SLC25A13: variants seen among roughly 807,000 people sequenced by gnomAD.
SLC25A13 encodes electrogenic aspartate/glutamate antiporter SLC25A13, mitochondrial.
SLC25A13 carries 70 observed loss-of-function variants against 85.5 expected under a neutral mutation model. The observed-to-expected ratio is 0.82, with a 90% CI of 0.68 to 1.00. The LOEUF (loss-of-function observed/expected upper bound fraction) is 1.00. Among genes scored for constraint, SLC25A13 ranks in the 50% least tolerant of loss-of-function variants. The pLI, the probability that SLC25A13 is intolerant of heterozygous loss-of-function variation, is 0.00. For synonymous variants in SLC25A13, 259 were observed against 288.7 expected, an observed-to-expected ratio of 0.90 and a Z score of 1.04; for missense variants, 765 against 819.8, an observed-to-expected ratio of 0.93 and a Z score of 0.82.
At chr7:96,252,652 G>A (rs1218085541) in intron 3 of SLC25A13, among the ~76,000 whole-genome samples, 3 of 152,190 alleles carry the variant, frequency 2.0e-5, no homozygotes, top group Non-Finnish European at 2.9e-5. Flanking sequence ...TATAATGAAC[G>A]TGAAGTGAGT....
intron 3 of SLC25A13, among the ~76,000 whole-genome samples, chr7:96,247,557 T>A (rs1348944215): frequency 1.3e-5 from 2 of 152,156 alleles, no homozygotes; most frequent in Non-Finnish European, 2.9e-5. Flanking sequence ...AGATGAAAGA[T>A]TATTGTACCC....
chr7:96,191,727 T>C (rs952905616), intron 6 of SLC25A13, among the ~76,000 whole-genome samples: 1 of 152,184 alleles, frequency 6.6e-6, no homozygotes, highest in East Asian at 1.9e-4. Context: ...TCAAGTTACT[T>C]ATAACCAGTA....
chr7:96,298,297 T>C (rs993156457), intron 1 of SLC25A13, among the ~76,000 whole-genome samples: 6 of 152,240 alleles, frequency 3.9e-5, no homozygotes, highest in Non-Finnish European at 7.3e-5. Flanking sequence ...AATAATTTTA[T>C]TAACTAATCA....
chr7:96,228,889 C>T (rs114738243), intron 4 of SLC25A13, among the ~76,000 whole-genome samples: 2,905 of 152,300 alleles, frequency 0.019, 88 homozygotes, highest in African/African-American at 0.066. Flanking sequence ...TCCCCCAGCA[C>T]TCCTGGCCCA....
chr7:96,175,610 T>C (rs1794188801), intron 11 of SLC25A13, among the ~76,000 whole-genome samples: 1 of 152,224 alleles, frequency 6.6e-6, no homozygotes, highest in South Asian at 2.1e-4. Flanking sequence ...GCTGTCCGAC[T>C]CCAGCCTGTG....
Position 96,234,913 on chromosome 7 carries a change from T to C in SLC25A13, c.217A>G (p.Ile73Val). The C allele has an allele frequency of 6.2e-7, 1 of 1,611,594 alleles. No homozygotes were observed. The highest frequency in any genetic ancestry group is 2.2e-5 in the East Asian group (1 of 44,810). The part of the protein sequence containing the change: ...GVVDQTKDGL[I>V]SFQEFVAFES... ...AAGGCAACAAATTCTTGAAAAGATA[T>C]TAATCTGCAACATAAAACAAACATA... Residue 73 changes from isoleucine (I) to valine (V), a missense_variant, in exon 4 of 18, where the codon ATA becomes GTA. Physicochemically the swap from Ile to Val is conservative, Grantham distance 29. Coordinates refer to ENST00000265631, the MANE Select transcript of SLC25A13 (RefSeq NM_014251.3).
Position 96,296,969 on chromosome 7 carries a change from A to G in SLC25A13, c.16-18T>C, listed in dbSNP as rs1799374992. 6.3e-7 allele frequency: 1 copy of G among 1,595,052 alleles called. No homozygotes were observed. The highest frequency in any genetic ancestry group is 1.3e-5 in the African/African-American group (1 of 74,576). The stretch of plus-strand genomic sequence containing the variant: ...AAAGCCACCTATAAATAAACATAAA[A>G]ATGTTTATGTTATTACAACAAAGCT... On this transcript the variant is annotated intron_variant, in intron 1 of 17. Coordinates refer to ENST00000265631, the MANE Select transcript of SLC25A13 (RefSeq NM_014251.3).
intron 2 of SLC25A13, among the ~76,000 whole-genome samples, chr7:96,288,780 C>G (rs1321071709): frequency 4.6e-5 from 7 of 152,180 alleles, no homozygotes; most frequent in African/African-American, 1.4e-4. Context: ...GAAGCTCGAA[C>G]TGGGTGGAGC....
chr7:96,217,100 A>T (rs1368336256), intron 4 of SLC25A13, among the ~76,000 whole-genome samples: 1 of 152,210 alleles, frequency 6.6e-6, no homozygotes, highest in Non-Finnish European at 1.5e-5. Context: ...GAGACAGCAT[A>T]AAATTGCCAA....
chr7:96,265,556 CATTTA>C (rs1171104591), intron 3 of SLC25A13, among the ~76,000 whole-genome samples: 1 of 152,122 alleles, frequency 6.6e-6, no homozygotes, highest in Admixed American at 6.5e-5. Context: ...GCATACTTGC[CATTTA>C]ATTACTCAGA....
intron 2 of SLC25A13, among the ~76,000 whole-genome samples, chr7:96,288,428 C>G (rs765386834): frequency 6.6e-6 from 1 of 152,182 alleles, no homozygotes; most frequent in Admixed American, 6.5e-5. Context: ...GGGGGCAGGA[C>G]AGTGGGTGCA....
chr7:96,321,156 AG>A (rs1371301655), intron 1 of SLC25A13, among the ~76,000 whole-genome samples: 1 of 152,240 alleles, frequency 6.6e-6, no homozygotes, highest in Non-Finnish European at 1.5e-5. Context: ...ATGGTGAAAG[AG>A]GAAAGGTCAA....
In SLC25A13 at chr7:96,121,343, T is replaced by C. The variant is rs200001052; in HGVS notation, c.1876A>G (p.Arg626Gly). Residue 626 changes from arginine to glycine, a missense_variant, in exon 18 of 18, where the codon AGG (arginine) becomes GGG (glycine). Transcript: ENST00000265631. ...GGATTCGGGGCAGGCAGGTTGATCC[T>C]GGATTTAGGAACTGGCTCTGATCCC... is the stretch of plus-strand genomic sequence containing the variant. The part of the protein sequence containing the change: ...PMGSEPVPKS[R>G]INLPAPNPDH... 3.7e-6 allele frequency: 6 copies of C among 1,614,230 alleles called. No individual in the cohort carries two copies. The highest frequency in any genetic ancestry group is 5.1e-6 in the Non-Finnish European group (6 of 1,180,034).
intron 3 of SLC25A13, among the ~76,000 whole-genome samples, chr7:96,259,255 T>G (rs1797755865): frequency 6.6e-6 from 1 of 152,132 alleles, no homozygotes; most frequent in Non-Finnish European, 1.5e-5. Flanking sequence ...CGAAAGAAAC[T>G]ATCATCAGAG....
At chr7:96,317,775 T>C (rs1468957578) in intron 1 of SLC25A13, among the ~76,000 whole-genome samples, 2 of 149,174 alleles carry the variant, frequency 1.3e-5, no homozygotes, top group East Asian at 1.9e-4. Flanking sequence ...TTATTCTATT[T>C]TATTTTATTT....
intron 1 of SLC25A13, among the ~76,000 whole-genome samples, chr7:96,317,783 T>C (rs1275024089): frequency 6.8e-6 from 1 of 146,330 alleles, no homozygotes; most frequent in Non-Finnish European, 1.5e-5. Flanking sequence ...TTTTATTTTA[T>C]TTTATTATTT....
intron 14 of SLC25A13, among the ~76,000 whole-genome samples, chr7:96,137,869 C>T (rs1409846903): frequency 1.3e-5 from 2 of 152,190 alleles, no homozygotes; most frequent in East Asian, 1.9e-4. Context: ...GTGATCTGCC[C>T]GCCTCAGCAC....
intron 4 of SLC25A13, among the ~76,000 whole-genome samples, chr7:96,225,362 T>C (rs1020499037): frequency 6.6e-6 from 1 of 151,954 alleles, no homozygotes; most frequent in Admixed American, 6.6e-5. Context: ...CTGGGCAACA[T>C]AGTTAAACTC....
chr7:96,164,747 A>ACACACACACACACAC (rs55828121), intron 13 of SLC25A13, among the ~76,000 whole-genome samples: 8 of 85,090 alleles, frequency 9.4e-5, no homozygotes, highest in African/African-American at 1.3e-4. Flanking sequence ...CACACACACA[A>ACACACACACACACAC]AAGAAGCAGC....
Sources: allele counts gnomAD v4.1 joint callset (sites outside exome capture counted in the v4.1 genomes callset), GRCh38; gene constraint gnomAD v4.1.1; transcripts MANE v1.5; gene names NCBI Gene and HGNC (gene_info 2026-07-23, HGNC 2026-07-21).